Variants in MEGF11 observed in about 807,000 individuals in gnomAD.
MEGF11 encodes multiple epidermal growth factor-like domains protein 11.
Under a neutral mutation model 146.6 loss-of-function variants are expected in MEGF11, and 126 were observed. The ratio of observed to expected loss-of-function variants is 0.86; its 90% CI spans 0.74 to 1.00. The LOEUF (loss-of-function observed/expected upper bound fraction) is 1.00. Ranked by LOEUF, MEGF11 falls within the 50% of genes least tolerant of loss-of-function variation. The pLI, the probability that MEGF11 is intolerant of heterozygous loss-of-function variation, is 0.00. For missense variants in MEGF11, 1,509 were observed against 1,521.2 expected (o/e 0.99, Z 0.13); for synonymous variants, 532 against 583.4 (o/e 0.91, Z 1.27).
intron 24 of MEGF11, among the ~76,000 whole-genome samples, chr15:65,903,914 T>C (rs1363722888): frequency 6.6e-6 from 1 of 152,220 alleles, no homozygotes; most frequent in African/African-American, 2.4e-5. Flanking sequence ...TTTGCTTACA[T>C]AGCTCTCTTT....
intron 1 of MEGF11, among the ~76,000 whole-genome samples, chr15:66,225,631 C>G (rs2056172511): frequency 6.6e-6 from 1 of 152,136 alleles, no homozygotes; most frequent in South Asian, 2.1e-4. Flanking sequence ...ACATATGGTC[C>G]TGCACACTTG....
chr15:65,976,762 A>G (rs773068010), intron 7 of MEGF11, among the ~76,000 whole-genome samples: 6 of 152,196 alleles, frequency 3.9e-5, no homozygotes, highest in Non-Finnish European at 7.3e-5. Flanking sequence ...TGTGGCATCT[A>G]GAAGGTTGTA....
chr15:66,231,888 C>T (rs557705439), intron 1 of MEGF11, among the ~76,000 whole-genome samples: 21 of 152,360 alleles, frequency 1.4e-4, no homozygotes, highest in Non-Finnish European at 2.9e-4. Context: ...TAACCCTCAC[C>T]AAGCCCTTAC....
Position 66,106,434 on chromosome 15 carries a change from A to G in MEGF11, c.302-11940T>C, listed in dbSNP as rs539235438. On this transcript the variant is annotated intron_variant, in intron 4 of 25. Coordinates refer to ENST00000395614, the MANE Select transcript of MEGF11 (RefSeq NM_001385028.1). ...TATACATGTGTGTATGCAATAATAA[A>G]CGCCATCACTTCCATAGCACCCTCC... Among the ~76,000 whole-genome samples the G allele has an allele frequency of 1.3e-4, 20 of 152,182 alleles. 1 individual carries two copies. The highest frequency in any genetic ancestry group is 1.2e-3 in the Admixed American group (19 of 15,300).
In MEGF11 at chr15:66,024,856, T is replaced by A. The variant is rs540321124; in HGVS notation, c.395-42368A>T. On this transcript the variant is annotated intron_variant, in intron 5 of 25. Transcript: ENST00000395614. ...AAGCAGGATCTCAGCCCCTCCCAGC[T>A]CAGCTAAGAGAGGCCAGAGGCGAAC... Among the ~76,000 whole-genome samples the A allele has an allele frequency of 5.3e-5, 8 of 152,204 alleles. No homozygotes were observed. In the South Asian group the frequency reaches 8.3e-4, roughly 16 times the overall value.
chr15:65,909,016 G>C lies in MEGF11; in HGVS notation c.2998+18C>G. The C allele has an allele frequency of 6.7e-7, 1 of 1,500,120 alleles. No individual in the cohort carries two copies. The highest frequency in any genetic ancestry group is 1.7e-4 in the Middle Eastern group (1 of 5,786). The allele number at this position is 1,500,120 out of a possible 1,614,324, so 92.9% of individuals were successfully genotyped here. A position where few individuals can be genotyped will look rare whatever the true frequency, so the allele number is the denominator to read the frequency against. ...CTGGTCTGGCATGAGGGGGTGGAGG[G>C]TAGGGCTGGGGTCTGACCTGGTGAG... On this transcript the variant is annotated intron_variant, in intron 23 of 25. Transcript: ENST00000395614.
In MEGF11 at chr15:66,150,857, A is replaced by ATT. The variant is rs1184233461; in HGVS notation, c.-8-22447_-8-22446insAA. ...GAGAGAGAGAGAGAGAGAGAGAGAG[A>ATT]GAGAGAGAGAGAGGAAAGAATTTTC... On this transcript the variant is annotated intron_variant, in intron 1 of 25. Coordinates refer to ENST00000395614, the MANE Select transcript of MEGF11 (RefSeq NM_001385028.1). Among the ~76,000 whole-genome samples the ATT allele has an allele frequency of 2.1e-3, 309 of 144,016 alleles. 1 individual carries two copies. The highest frequency in any genetic ancestry group is 8.0e-3 in the African/African-American group (301 of 37,574). The allele number at this position is 144,016 out of a possible 152,430, so 94.5% of individuals were successfully genotyped here. A position where few individuals can be genotyped will look rare whatever the true frequency, so the allele number is the denominator to read the frequency against.
At chr15:66,112,196 C>T (rs1309269603) in intron 4 of MEGF11, among the ~76,000 whole-genome samples, 5 of 151,174 alleles carry the variant, frequency 3.3e-5, no homozygotes, top group African/African-American at 4.9e-5. Context: ...ACTAATCGCT[C>T]GAGATAAAAC....
In MEGF11 at chr15:66,127,969, G is replaced by A. The variant is rs147755795; in HGVS notation, c.98+337C>T. ...AGCATGCCACCTGGGACCAAAGTCC[G>A]CATCCCCCCACTTACTGCACCCCAT... On this transcript the variant is annotated intron_variant, in intron 2 of 25. Transcript: ENST00000395614. Among the ~76,000 whole-genome samples the A allele has an allele frequency of 3.5e-4, 53 of 152,352 alleles. No homozygotes were observed. The Middle Eastern group carries it at 0.01, about 29-fold the overall frequency.
intron 4 of MEGF11, among the ~76,000 whole-genome samples, chr15:66,114,213 T>C (rs557863321): frequency 6.6e-6 from 1 of 152,348 alleles, no homozygotes; most frequent in South Asian, 2.1e-4. Flanking sequence ...TAGCAACTAA[T>C]ACTGCTCACT....
At chr15:66,169,165 G>T (rs1255394823) in intron 1 of MEGF11, among the ~76,000 whole-genome samples, 1 of 152,220 alleles carries the variant, frequency 6.6e-6, no homozygotes, top group Non-Finnish European at 1.5e-5. Flanking sequence ...AGCACCATGT[G>T]GTTTCACGGA....
intron 21 of MEGF11, among the ~76,000 whole-genome samples, chr15:65,911,844 T>C (rs1342902383): frequency 6.6e-6 from 1 of 152,224 alleles, no homozygotes; most frequent in African/African-American, 2.4e-5. Flanking sequence ...GGGGTATATG[T>C]TATACTGAGT....
chr15:66,229,861 G>A (rs1304798540), intron 1 of MEGF11, among the ~76,000 whole-genome samples: 1 of 152,178 alleles, frequency 6.6e-6, no homozygotes, highest in East Asian at 1.9e-4. Flanking sequence ...ATTGGGCAAT[G>A]GGGCTGGCCT....
intron 1 of MEGF11, among the ~76,000 whole-genome samples, chr15:66,231,939 TC>T (rs1469435708): frequency 6.6e-6 from 1 of 151,958 alleles, no homozygotes; most frequent in Non-Finnish European, 1.5e-5. Context: ...CCACTTCCAA[TC>T]CCCCCAACAA....
At chr15:65,912,352 C>T (rs887731728) in intron 20 of MEGF11, 152 bp from the exon 21 acceptor site, 6 of 414,660 alleles carry the variant, frequency 1.4e-5, no homozygotes, top group African/African-American at 6.1e-5. Flanking sequence ...GCATCCACTA[C>T]TCCTACTGAA....
At chr15:66,057,601 T>C (rs959197970) in intron 5 of MEGF11, among the ~76,000 whole-genome samples, 24 of 151,940 alleles carry the variant, frequency 1.6e-4, no homozygotes, top group Admixed American at 6.6e-5. Flanking sequence ...ATGTTCTGGC[T>C]AAAAGTGATG....
At chr15:66,233,339 G>A (rs753359671) in intron 1 of MEGF11, among the ~76,000 whole-genome samples, 1 of 152,102 alleles carries the variant, frequency 6.6e-6, no homozygotes, top group Middle Eastern at 3.2e-3. Context: ...AGGTTCAAAC[G>A]ATTCTCCAGC....
intron 1 of MEGF11, among the ~76,000 whole-genome samples, chr15:66,142,651 G>C (rs1007022372): frequency 6.6e-6 from 1 of 152,204 alleles, no homozygotes; most frequent in Non-Finnish European, 1.5e-5. Flanking sequence ...GTCTGAGGAC[G>C]GCCTGAGCTG....
chr15:66,194,853 G>T (rs1274459835), intron 1 of MEGF11, among the ~76,000 whole-genome samples: 1 of 152,072 alleles, frequency 6.6e-6, no homozygotes, highest in Non-Finnish European at 1.5e-5. Flanking sequence ...AAAAATTAAT[G>T]TAGTTTCTAA....
Sources: allele counts gnomAD v4.1 joint callset (sites outside exome capture counted in the v4.1 genomes callset), GRCh38; gene constraint gnomAD v4.1.1; transcripts MANE v1.5; gene names NCBI Gene and HGNC (gene_info 2026-07-23, HGNC 2026-07-21).